Variants in C1orf159 observed in about 807,000 individuals in gnomAD.
The protein encoded by C1orf159 is chromosome 1 open reading frame 159.
C1orf159 carries 19 observed loss-of-function variants against 25.6 expected under a neutral mutation model. That is an observed-to-expected ratio of 0.74 (90% CI 0.52 to 1.09). C1orf159 has a LOEUF of 1.09. C1orf159 is among the 50% of genes least tolerant of loss of function. The pLI, the probability that C1orf159 is intolerant of heterozygous loss-of-function variation, is 0.00. For synonymous variants in C1orf159, 139 were observed against 124.7 expected (o/e 1.12, Z -0.77); for missense variants, 274 against 290.6 (o/e 0.94, Z 0.42).
At chr1:1,095,448 G>A (rs1019523295) in intron 1 of C1orf159, among the ~76,000 whole-genome samples, 1 of 152,194 alleles carries the variant, frequency 6.6e-6, no homozygotes, top group African/African-American at 2.4e-5. Context: ...CAAATAGAAT[G>A]TAATTTCTGA....
chr1:1,100,683 C>A (rs1161168958), intron 1 of C1orf159, among the ~76,000 whole-genome samples: 1 of 152,182 alleles, frequency 6.6e-6, no homozygotes, highest in African/African-American at 2.4e-5. Flanking sequence ...TTCTGGCCCT[C>A]TTTTGCGTGA....
At chr1:1,083,845 T>G in intron 9 of C1orf159, 48 of 1,390,602 alleles carry the variant, frequency 3.5e-5, no homozygotes, top group Non-Finnish European at 4.3e-5. Flanking sequence ...CTCATGGCCT[T>G]GGAGCTGTGT....
intron 1 of C1orf159, among the ~76,000 whole-genome samples, chr1:1,114,703 C>T (rs911116327): frequency 2.4e-4 from 37 of 152,104 alleles, no homozygotes; most frequent in African/African-American, 8.2e-4. Flanking sequence ...TGAATGCAAA[C>T]GGGGAACATA....
At chr1:1,090,537 C>A in intron 3 of C1orf159, 109 bp from the exon 4 acceptor site, 1 of 1,159,450 alleles carries the variant, frequency 8.6e-7, no homozygotes, top group Non-Finnish European at 1.2e-6. Flanking sequence ...ATGTCCGCAG[C>A]TCCGGCCTCT....
intron 1 of C1orf159, among the ~76,000 whole-genome samples, chr1:1,105,514 A>G (rs760725366): frequency 8.4e-4 from 128 of 152,290 alleles, no homozygotes; most frequent in Non-Finnish European, 8.5e-4. Context: ...TCAAAAAAAA[A>G]TAAATAAAAA....
chr1:1,082,700 T>G lies in C1orf159; in HGVS notation c.*193A>C. Reference sequence around the variant, plus strand: ...CCTGGTCCGATAAACGAGATGGCTGTGGTGGGGAGGAGCCTCAGGCGGCCC... The same window carrying G: ...CCTGGTCCGATAAACGAGATGGCTGGGGTGGGGAGGAGCCTCAGGCGGCCC... On this transcript the variant is annotated 3_prime_UTR_variant, in exon 10 of 10. Coordinates refer to ENST00000421241, the MANE Select transcript of C1orf159 (RefSeq NM_017891.5). The G allele has an allele frequency of 1.7e-6, 1 of 595,226 alleles. No homozygotes were observed. The highest frequency in any genetic ancestry group is 3.0e-6 in the Non-Finnish European group (1 of 330,978). 36.9% of individuals were successfully genotyped at this position (595,226 alleles called of 1,614,324 possible). A position where few individuals can be genotyped will look rare whatever the true frequency, so the allele number is the denominator to read the frequency against.
rs1645847095 is a variant in C1orf159 at position 1,087,283 on chromosome 1, AG to A, written c.245-80del. ...CCCACGTGCACCCTGAAGGGATCTC[AG>A]GACGGAAATATGAAAGCGAGGGGCT... On this transcript the variant is annotated intron_variant, in intron 5 of 9. Coordinates refer to ENST00000421241, the MANE Select transcript of C1orf159 (RefSeq NM_017891.5). This position sits in a 1 kb window ranked among gnomAD's most constrained non-coding sequence, Gnocchi z 8.3. 1.0e-5 allele frequency: 14 copies of A among 1,384,532 alleles called. No individual in the cohort carries two copies. The highest frequency in any genetic ancestry group is 1.3e-5 in the Non-Finnish European group (13 of 1,023,188). The allele number at this position is 1,384,532 out of a possible 1,614,324, so 85.8% of individuals were successfully genotyped here.
intron 9 of C1orf159, chr1:1,083,591 G>T: frequency 1.2e-5 from 4 of 347,678 alleles, no homozygotes; most frequent in Non-Finnish European, 2.1e-5. Flanking sequence ...GAAGCGTGTG[G>T]CCTTGTTTGC....
intron 1 of C1orf159, chr1:1,106,607 T>C (rs1283956676): frequency 6.6e-6 from 1 of 152,290 alleles, no homozygotes; most frequent in Non-Finnish European, 1.5e-5. Context: ...ACAACCACCA[T>C]GTCTTAGTGA....
intron 1 of C1orf159, among the ~76,000 whole-genome samples, chr1:1,114,472 G>A (rs1028716626): frequency 6.6e-5 from 10 of 152,206 alleles, no homozygotes; most frequent in Non-Finnish European, 1.2e-4. Flanking sequence ...CAAAGCTCAG[G>A]TGGAGAGCAG....
chr1:1,096,166 T>C (rs920459489), intron 1 of C1orf159, among the ~76,000 whole-genome samples: 1 of 152,188 alleles, frequency 6.6e-6, no homozygotes, highest in Non-Finnish European at 1.5e-5. Flanking sequence ...TTGGATTATA[T>C]TGCCTCATAA....
intron 1 of C1orf159, among the ~76,000 whole-genome samples, chr1:1,112,681 A>G (rs1051587704): frequency 8.5e-5 from 13 of 152,204 alleles, no homozygotes; most frequent in Admixed American, 3.9e-4. Flanking sequence ...CTCCCGCCCA[A>G]GTACTAGCAA....
intron 2 of C1orf159, 58 bp from the exon 3 acceptor site, chr1:1,091,623 G>A (rs1036274508): frequency 5.5e-6 from 7 of 1,268,092 alleles, no homozygotes; most frequent in Admixed American, 4.0e-5. Context: ...AGGCAGGGTG[G>A]GTGGGGCCAA....
chr1:1,083,095 C>T (rs973469583), intron 9 of C1orf159, 108 bp from the exon 10 acceptor site: 36 of 893,172 alleles, frequency 4.0e-5, no homozygotes, highest in South Asian at 1.6e-4. Flanking sequence ...ATGGCACAGG[C>T]GCCCGGGGCT....
chr1:1,114,292 G>C (rs1286104420), intron 1 of C1orf159, among the ~76,000 whole-genome samples: 1 of 152,136 alleles, frequency 6.6e-6, no homozygotes, highest in African/African-American at 2.4e-5. Context: ...GCTCATGTCT[G>C]ACTAGCTACC....
chr1:1,112,806 T>C (rs1646280742), intron 1 of C1orf159, among the ~76,000 whole-genome samples: 2 of 152,262 alleles, frequency 1.3e-5, no homozygotes, highest in African/African-American at 4.8e-5. Context: ...ACCGCACACC[T>C]GATCTCTCAC....
chr1:1,084,323 C>A (rs1399106286), intron 9 of C1orf159, 30 bp downstream of exon 9: 1 of 1,529,618 alleles, frequency 6.5e-7, no homozygotes, highest in African/African-American at 1.4e-5. Context: ...GATGGGAAAC[C>A]CCACAGGGGG....
At chr1:1,112,801 A>G (rs919262452) in intron 1 of C1orf159, among the ~76,000 whole-genome samples, 1 of 152,240 alleles carries the variant, frequency 6.6e-6, no homozygotes, top group Non-Finnish European at 1.5e-5. Flanking sequence ...GTGAAACCGC[A>G]CACCTGATCT....
chr1:1,086,076 G>A (rs1048019165), intron 6 of C1orf159, 64 bp from the exon 7 acceptor site: 43 of 1,579,068 alleles, frequency 2.7e-5, no homozygotes, highest in South Asian at 2.6e-4. Flanking sequence ...CCTGGCCCCC[G>A]GTGCCCCCTG....
Sources: allele counts gnomAD v4.1 joint callset (sites outside exome capture counted in the v4.1 genomes callset), GRCh38; gene constraint gnomAD v4.1.1; non-coding constraint Gnocchi (gnomAD v3.1); transcripts MANE v1.5; gene names NCBI Gene and HGNC (gene_info 2026-07-23, HGNC 2026-07-21).